HDLBP: variants seen among roughly 807,000 people sequenced by gnomAD.
HDLBP encodes the protein vigilin.
HDLBP carries 30 observed loss-of-function variants against 137.3 expected under a neutral mutation model. The ratio of observed to expected loss-of-function variants is 0.22; its 90% CI spans 0.16 to 0.30. HDLBP has a LOEUF of 0.30. Among genes scored for constraint, HDLBP ranks in the 10% least tolerant of loss-of-function variants. The pLI is 1.00. For synonymous variants in HDLBP, 606 were observed against 596.0 expected (o/e 1.02, Z -0.24); for missense variants, 1,119 against 1,667.3 (o/e 0.67, Z 5.73).
At chr2:241,279,691 T>C (rs1364229868) in intron 1 of HDLBP, among the ~76,000 whole-genome samples, 1 of 152,156 alleles carries the variant, frequency 6.6e-6, no homozygotes, top group Non-Finnish European at 1.5e-5. Flanking sequence ...TAGGTCCTTA[T>C]TTGACACCAT....
chr2:241,271,766 T>TGAGA (rs2074057898), intron 1 of HDLBP, among the ~76,000 whole-genome samples: 1 of 148,032 alleles, frequency 6.8e-6, no homozygotes, highest in African/African-American at 2.4e-5. Flanking sequence ...AGACTTCTCC[T>TGAGA]CTTCCAAAAC....
At chr2:241,313,711 A>G (rs2075837477) in intron 1 of HDLBP, among the ~76,000 whole-genome samples, 1 of 152,220 alleles carries the variant, frequency 6.6e-6, no homozygotes, top group Non-Finnish European at 1.5e-5. Context: ...CTGGAAGGCC[A>G]AAACAACAAA....
intron 1 of HDLBP, among the ~76,000 whole-genome samples, chr2:241,274,172 G>C (rs1002378035): frequency 6.6e-6 from 1 of 152,142 alleles, no homozygotes; most frequent in Non-Finnish European, 1.5e-5. Context: ...TGGGCAGGTG[G>C]GGAAGTGGAG....
At chr2:241,266,727 T>C (rs2149543250) in intron 3 of HDLBP, 67 bp downstream of exon 3, 1 of 1,052,268 alleles carries the variant, frequency 9.5e-7, no homozygotes, top group Middle Eastern at 2.0e-4. Context: ...GCATGGGATT[T>C]GGTAAAGGCT....
intron 1 of HDLBP, among the ~76,000 whole-genome samples, chr2:241,292,877 C>T (rs1474294430): frequency 6.6e-6 from 1 of 151,982 alleles, no homozygotes; most frequent in Admixed American, 6.6e-5. Flanking sequence ...AAATAGAAAA[C>T]AAAAAATCAG....
intron 9 of HDLBP, 35 bp from the exon 10 acceptor site, chr2:241,253,532 G>T (rs370073544): frequency 2.7e-5 from 39 of 1,433,986 alleles, no homozygotes; most frequent in Non-Finnish European, 3.8e-5. Context: ...AGCTAAAACA[G>T]AATGGCACAG....
At chr2:241,281,626 C>G (rs978496794) in intron 1 of HDLBP, among the ~76,000 whole-genome samples, 7 of 152,324 alleles carry the variant, frequency 4.6e-5, no homozygotes, top group Non-Finnish European at 7.3e-5. Context: ...CCAACATCTA[C>G]TGGCCACATG....
intron 17 of HDLBP, among the ~76,000 whole-genome samples, chr2:241,241,343 G>A (rs376233641): frequency 1.3e-5 from 2 of 152,006 alleles, no homozygotes; most frequent in South Asian, 2.1e-4. Context: ...CGAGGCGGGC[G>A]GATCACGAGG....
chr2:241,282,472 C>A (rs1322868417), intron 1 of HDLBP, among the ~76,000 whole-genome samples: 2 of 152,124 alleles, frequency 1.3e-5, no homozygotes, highest in Non-Finnish European at 2.9e-5. Context: ...CTTCCTACTT[C>A]TAAGAATTTC....
At chr2:241,301,400 G>T (rs1347533671) in intron 1 of HDLBP, among the ~76,000 whole-genome samples, 1 of 152,150 alleles carries the variant, frequency 6.6e-6, no homozygotes. Context: ...ACAGTCAAAT[G>T]AGCTAGGTAT....
chr2:241,234,488 A>G (rs1037233426), intron 23 of HDLBP, among the ~76,000 whole-genome samples: 4 of 152,160 alleles, frequency 2.6e-5, no homozygotes, highest in Admixed American at 1.3e-4. Context: ...GCTCCACCCC[A>G]TTCACCAGAC....
chr2:241,302,573 G>T (rs937379884), intron 1 of HDLBP: 1 of 152,154 alleles, frequency 6.6e-6, no homozygotes, highest in African/African-American at 2.4e-5. Flanking sequence ...CCAAATAAAT[G>T]ACCCCCTTTA....
intron 11 of HDLBP, among the ~76,000 whole-genome samples, chr2:241,251,485 A>G (rs2072167188): frequency 1.3e-5 from 2 of 152,168 alleles, no homozygotes; most frequent in Admixed American, 1.3e-4. Context: ...AAACGGATAC[A>G]CGGACGTCAG....
rs759158851 is a variant in HDLBP at position 241,236,679 on chromosome 2, C to T, written c.2840G>A (p.Arg947Lys). The T allele has an allele frequency of 6.2e-7, 1 of 1,614,154 alleles. No homozygotes were observed. Among genetic ancestry groups the T allele is most frequent in the Admixed American group, 1.7e-5 (1 of 60,028 alleles). Reference sequence around the variant, plus strand: ...GCCAGAGATGATGATGATGTCACACCTCCTTGGAGAGCCGGGGTCACAATC... The same window carrying T: ...GCCAGAGATGATGATGATGTCACACTTCCTTGGAGAGCCGGGGTCACAATC... ...AKDCDPGSPR[R>K]CDIIIISGRK... is the part of the protein sequence containing the mutation. Residue 947 changes from arginine to lysine, a missense_variant, in exon 21 of 28, where the codon AGG becomes AAG. Physicochemically the swap from Arg to Lys is conservative, Grantham distance 26. Transcript: ENST00000310931.
Position 241,232,144 on chromosome 2 carries a change from G to A in HDLBP, c.3289-1200C>T, listed in dbSNP as rs995539640. On this transcript the variant is annotated intron_variant, in intron 24 of 27. Transcript: ENST00000310931. ...GCTGACAGCCTCAGGCACCACCCGC[G>A]TGCTGCCAGGTACAGAACCTCAAGA... 2.6e-5 allele frequency among the ~76,000 whole-genome samples: 4 copies of A among 152,194 alleles called. No individual in the cohort carries two copies. The South Asian group carries it at 8.3e-4, about 32-fold the overall frequency.
intron 4 of HDLBP, 76 bp from the exon 5 acceptor site, chr2:241,263,002 G>A: frequency 8.9e-7 from 1 of 1,122,882 alleles, no homozygotes; most frequent in South Asian, 1.4e-5. Flanking sequence ...AAGAACATGT[G>A]TTCATCACCA....
chr2:241,260,594 T>C (rs2073077167), intron 5 of HDLBP, among the ~76,000 whole-genome samples: 1 of 152,182 alleles, frequency 6.6e-6, no homozygotes, highest in Non-Finnish European at 1.5e-5. Context: ...AAAGCATAAT[T>C]TGCAACCCTT....
intron 1 of HDLBP, among the ~76,000 whole-genome samples, chr2:241,281,301 C>A (rs558584341): frequency 2.7e-5 from 4 of 150,838 alleles, no homozygotes; most frequent in Non-Finnish European, 4.4e-5. Flanking sequence ...TTGCAGTGAG[C>A]CGAGATCGCG....
chr2:241,263,981 A>G (rs1038017103), intron 4 of HDLBP, among the ~76,000 whole-genome samples: 1 of 152,100 alleles, frequency 6.6e-6, no homozygotes, highest in Non-Finnish European at 1.5e-5. Context: ...TACTCAAAGC[A>G]TTCTCAATCT....
Sources: allele counts gnomAD v4.1 joint callset (sites outside exome capture counted in the v4.1 genomes callset), GRCh38; gene constraint gnomAD v4.1.1; transcripts MANE v1.5; gene names NCBI Gene and HGNC (gene_info 2026-07-23, HGNC 2026-07-21).